The following MAD1L1 variants were observed in gnomAD, a reference collection of about 807,000 sequenced individuals.
MAD1L1 encodes the protein mitotic arrest deficient 1 like 1, also known as mitotic spindle assembly checkpoint protein MAD1.
MAD1L1 carries 95 observed loss-of-function variants against 96.9 expected under a neutral mutation model. That is an observed-to-expected ratio of 0.98 (90% CI 0.83 to 1.16). The LOEUF is 1.16. Ranked by LOEUF, MAD1L1 falls within the 50% of genes most tolerant of loss-of-function variation. The probability of loss-of-function intolerance (pLI) is 0.00; values close to 1 mark genes in which losing one functional copy is unlikely to be tolerated. For missense variants in MAD1L1, 1,007 were observed against 954.4 expected, an observed-to-expected ratio of 1.06 and a Z score of -0.73; for synonymous variants, 473 against 396.6, an observed-to-expected ratio of 1.19 and a Z score of -2.29.
chr7:1,818,142 C>G (rs1375665337), intron 18 of MAD1L1, among the ~76,000 whole-genome samples: 1 of 152,126 alleles, frequency 6.6e-6, no homozygotes, highest in Non-Finnish European at 1.5e-5. Context: ...ATTTCTCCCC[C>G]TAAATGTCAG....
chr7:1,844,608 G>A (rs902018883), intron 18 of MAD1L1, among the ~76,000 whole-genome samples: 5 of 152,066 alleles, frequency 3.3e-5, no homozygotes, highest in Non-Finnish European at 7.4e-5. Flanking sequence ...AGGCTGCCAC[G>A]TGCCCAGCAC....
chr7:2,048,121 CTCA>C (rs1784013048), intron 12 of MAD1L1, among the ~76,000 whole-genome samples: 2 of 152,224 alleles, frequency 1.3e-5, no homozygotes, highest in Admixed American at 6.5e-5. Flanking sequence ...CACAGTAATG[CTCA>C]TGTGTGCATG....
intron 14 of MAD1L1, among the ~76,000 whole-genome samples, chr7:1,984,474 G>A (rs535578984): frequency 3.9e-5 from 6 of 152,204 alleles, no homozygotes; most frequent in East Asian, 3.9e-4. Context: ...TTGCTATATC[G>A]CAGATTAGGA....
At chr7:1,946,640 G>T (rs879669414) in intron 16 of MAD1L1, among the ~76,000 whole-genome samples, 16 of 152,252 alleles carry the variant, frequency 1.1e-4, no homozygotes, top group African/African-American at 3.4e-4. Flanking sequence ...GCGCGGTTAA[G>T]CGGAAGAGCC....
intron 11 of MAD1L1, among the ~76,000 whole-genome samples, chr7:2,117,185 A>G (rs1424296807): frequency 6.6e-6 from 1 of 152,188 alleles, no homozygotes; most frequent in Non-Finnish European, 1.5e-5. Context: ...CTTCCTGAAC[A>G]GTCTAGCGGG....
intron 17 of MAD1L1, among the ~76,000 whole-genome samples, chr7:1,927,113 T>C (rs1217733719): frequency 2.0e-5 from 3 of 151,704 alleles, no homozygotes; most frequent in South Asian, 4.2e-4. Context: ...AAAACAAGCC[T>C]ACAAATAATT....
At chr7:1,990,507 A>T (rs529178859) in intron 14 of MAD1L1, among the ~76,000 whole-genome samples, 1 of 152,292 alleles carries the variant, frequency 6.6e-6, no homozygotes, top group South Asian at 2.1e-4. Flanking sequence ...TCACCCAGAC[A>T]TTTCCTCGTG....
At chr7:2,202,542 G>A (rs1792368682) in intron 10 of MAD1L1, among the ~76,000 whole-genome samples, 1 of 152,220 alleles carries the variant, frequency 6.6e-6, no homozygotes, top group Non-Finnish European at 1.5e-5. Flanking sequence ...ACGTGGCCCA[G>A]ACCACGAGGC....
chr7:1,854,145 C>T (rs933261113), intron 18 of MAD1L1, among the ~76,000 whole-genome samples: 1 of 152,100 alleles, frequency 6.6e-6, no homozygotes, highest in East Asian at 1.9e-4. Context: ...AGCCTCTGCC[C>T]CTGGGGCACC....
intron 1 of MAD1L1, among the ~76,000 whole-genome samples, chr7:2,231,639 C>G (rs1794195269): frequency 6.6e-6 from 1 of 152,038 alleles, no homozygotes; most frequent in South Asian, 2.1e-4. Context: ...AAAAAAAAAT[C>G]TGGCCTCTGG....
At chr7:1,934,016 C>G (rs1461430790) in intron 17 of MAD1L1, among the ~76,000 whole-genome samples, 1 of 152,270 alleles carries the variant, frequency 6.6e-6, no homozygotes, top group Non-Finnish European at 1.5e-5. Flanking sequence ...CTCCAAAAGT[C>G]TGCCTCTGTA....
chr7:2,232,770 C>G (rs1248512947), intron 1 of MAD1L1, 102 bp downstream of exon 1: 1 of 152,190 alleles, frequency 6.6e-6, no homozygotes, highest in Non-Finnish European at 1.5e-5. Context: ...TGTGCCCCAC[C>G]CTGGCGAGCA....
chr7:1,858,615 C>A (rs562821923), intron 18 of MAD1L1, among the ~76,000 whole-genome samples: 4 of 152,202 alleles, frequency 2.6e-5, no homozygotes, highest in African/African-American at 7.2e-5. Context: ...TCCTACCTGG[C>A]GGGGCTGCTA....
intron 18 of MAD1L1, chr7:1,849,087 C>CACACGT (rs1378441726): frequency 5.6e-5 from 4 of 71,506 alleles, no homozygotes; most frequent in East Asian, 5.7e-4. Flanking sequence ...TGCACATGCA[C>CACACGT]GGACACATGC....
At chr7:1,902,678 G>T (rs1407239420) in intron 17 of MAD1L1, among the ~76,000 whole-genome samples, 1 of 76,604 alleles carries the variant, frequency 1.3e-5, no homozygotes, top group Non-Finnish European at 2.4e-5. Flanking sequence ...AGGGTGCAGG[G>T]AACCGTCTCA....
At chr7:1,820,413 C>T (rs1341078667) in intron 18 of MAD1L1, among the ~76,000 whole-genome samples, 2 of 152,116 alleles carry the variant, frequency 1.3e-5, no homozygotes, top group Admixed American at 6.5e-5. Flanking sequence ...GGAAATAATA[C>T]AAGTAGGAAT....
At chr7:1,980,341 A>T in intron 15 of MAD1L1, 112 bp downstream of exon 15, 1 of 839,388 alleles carries the variant, frequency 1.2e-6, no homozygotes. Flanking sequence ...CCTCCCCCAC[A>T]GGACACACCT....
At chr7:2,171,685 C>A (rs1313196922) in intron 10 of MAD1L1, among the ~76,000 whole-genome samples, 1 of 151,898 alleles carries the variant, frequency 6.6e-6, no homozygotes, top group African/African-American at 2.4e-5. Flanking sequence ...TCACCTCCGC[C>A]ATGCAAAGTA....
At chr7:2,063,267 T>C (rs574167311) in intron 12 of MAD1L1, among the ~76,000 whole-genome samples, 1 of 152,392 alleles carries the variant, frequency 6.6e-6, no homozygotes, top group African/African-American at 2.4e-5. Flanking sequence ...TCTTGCTCTC[T>C]GATCCAAGAG....
Sources: gnomAD v4.1 joint callset for allele counts (sites outside exome capture counted in the v4.1 genomes callset) on GRCh38, gnomAD v4.1.1 for gene constraint, MANE v1.5 for transcripts, NCBI Gene and HGNC (gene_info 2026-07-23, HGNC 2026-07-21) for gene names.